CCDC91: variants seen among roughly 807,000 people sequenced by gnomAD.
CCDC91 encodes coiled-coil domain-containing protein 91.
A neutral mutation model predicts 63.2 loss-of-function variants in CCDC91; 48 were observed. That is an observed-to-expected ratio of 0.76 (90% CI 0.60 to 0.97). The LOEUF (loss-of-function observed/expected upper bound fraction) is 0.97. CCDC91 is among the 50% of genes least tolerant of loss of function. The pLI, the probability that CCDC91 is intolerant of heterozygous loss-of-function variation, is 0.00. For synonymous variants in CCDC91, 167 were observed against 165.8 expected, an observed-to-expected ratio of 1.01 and a Z score of -0.06; for missense variants, 500 against 494.6, an observed-to-expected ratio of 1.01 and a Z score of -0.10.
intron 6 of CCDC91, among the ~76,000 whole-genome samples, chr12:28,332,853 GT>G (rs769982988): frequency 2.6e-4 from 39 of 147,494 alleles, no homozygotes; most frequent in South Asian, 6.4e-4. Context: ...TAACACAAGT[GT>G]TTTTTTTTTC....
chr12:28,456,324 G>A (rs568136757), intron 11 of CCDC91, among the ~76,000 whole-genome samples: 46 of 152,204 alleles, frequency 3.0e-4, no homozygotes, highest in African/African-American at 1.1e-3. Context: ...GGGCTAGGAA[G>A]AAAAAGTTTG....
At chr12:28,237,302 C>T (rs1945027077) in intron 1 of CCDC91, among the ~76,000 whole-genome samples, 2 of 148,680 alleles carry the variant, frequency 1.3e-5, no homozygotes, top group African/African-American at 4.9e-5. Context: ...AGAATAATGT[C>T]CTTCAAAGAT....
At chr12:28,528,897 A>G (rs1941506053) in intron 12 of CCDC91, among the ~76,000 whole-genome samples, 1 of 152,196 alleles carries the variant, frequency 6.6e-6, no homozygotes, top group African/African-American at 2.4e-5. Context: ...TTACTGTGGA[A>G]TACTATGCAT....
intron 6 of CCDC91, among the ~76,000 whole-genome samples, chr12:28,351,983 C>T (rs1943213908): frequency 2.0e-5 from 3 of 152,240 alleles, no homozygotes; most frequent in South Asian, 4.1e-4. Flanking sequence ...GGAGATACTG[C>T]AGAGTTTGGT....
intron 8 of CCDC91, among the ~76,000 whole-genome samples, chr12:28,408,704 A>G (rs1947126969): frequency 6.6e-6 from 1 of 151,932 alleles, no homozygotes; most frequent in Non-Finnish European, 1.5e-5. Flanking sequence ...GTGCAGTGGC[A>G]TGATCTTGGC....
chr12:28,498,192 C>A (rs1448918311), intron 12 of CCDC91, among the ~76,000 whole-genome samples: 1 of 151,532 alleles, frequency 6.6e-6, no homozygotes, highest in Admixed American at 6.6e-5. Context: ...TTCATTCACT[C>A]CTTTTATATT....
intron 7 of CCDC91, among the ~76,000 whole-genome samples, chr12:28,374,551 C>A (rs1322003635): frequency 6.6e-6 from 1 of 152,090 alleles, no homozygotes; most frequent in Non-Finnish European, 1.5e-5. Context: ...TCGGATAAAA[C>A]AATATCCTAA....
At chr12:28,258,398 T>C (rs1332857108) in intron 2 of CCDC91, among the ~76,000 whole-genome samples, 1 of 152,026 alleles carries the variant, frequency 6.6e-6, no homozygotes, top group Non-Finnish European at 1.5e-5. Flanking sequence ...ACACTTCATG[T>C]ATTATTTAGG....
chr12:28,468,765 G>A (rs186164992), intron 11 of CCDC91, among the ~76,000 whole-genome samples: 1 of 152,010 alleles, frequency 6.6e-6, no homozygotes, highest in South Asian at 2.1e-4. Context: ...TAACCTTTGG[G>A]ATGCAAGGAC....
Position 28,443,393 on chromosome 12 carries a change from C to T in CCDC91, c.763-6768C>T, listed in dbSNP as rs558644580. On this transcript the variant is annotated intron_variant, in intron 8 of 12. Transcript: ENST00000536442. ...GAACAGCATACTAAAAATTAATACT[C>T]CATTGGCATCTGTAATAAAAGCAAA... 7.8e-4 allele frequency among the ~76,000 whole-genome samples: 119 copies of T among 152,090 alleles called. 1 individual carries two copies. Among genetic ancestry groups the T allele is most frequent in the South Asian group, 6.0e-3 (29 of 4,814 alleles).
At chr12:28,394,138 AG>A (rs1367257611) in intron 8 of CCDC91, among the ~76,000 whole-genome samples, 1 of 152,206 alleles carries the variant, frequency 6.6e-6, no homozygotes, top group African/African-American at 2.4e-5. Context: ...TAGGATTATA[AG>A]CGGTTCAGTA....
At chr12:28,454,642 G>C (rs1949977185) in intron 11 of CCDC91, among the ~76,000 whole-genome samples, 1 of 152,124 alleles carries the variant, frequency 6.6e-6, no homozygotes. Flanking sequence ...GGCATCAGTA[G>C]TATGCCAGGT....
At position 28,506,573 on chromosome 12, in the gene CCDC91, A is replaced by G. The variant is rs570285263; in HGVS notation, c.1215+22408A>G. On this transcript the variant is annotated intron_variant, in intron 12 of 12. Coordinates refer to ENST00000536442, the MANE Select transcript of CCDC91 (RefSeq NM_018318.5). The stretch of plus-strand genomic sequence containing the variant: ...CTAAAAAGCAACAAATGTTTAACAC[A>G]GCCACTATTTATTCATTGTGTATGG... Among the ~76,000 whole-genome samples, 3 of 152,150 alleles carry G rather than the reference A, an allele frequency of 2.0e-5. No individual in the cohort carries two copies. In the South Asian group the frequency reaches 6.2e-4, roughly 31 times the overall value.
chr12:28,477,706 A>G (rs553297998), intron 11 of CCDC91, among the ~76,000 whole-genome samples: 4 of 152,284 alleles, frequency 2.6e-5, no homozygotes, highest in Admixed American at 1.3e-4. Context: ...TTGTATATCT[A>G]AAAAACCGCA....
chr12:28,329,198 A>G (rs889807729), intron 6 of CCDC91, among the ~76,000 whole-genome samples: 1 of 152,178 alleles, frequency 6.6e-6, no homozygotes. Context: ...TTGGATTTCA[A>G]GGGCCAATAA....
At chr12:28,543,117 T>A (rs1310995633) in intron 12 of CCDC91, among the ~76,000 whole-genome samples, 1 of 152,096 alleles carries the variant, frequency 6.6e-6, no homozygotes, top group Non-Finnish European at 1.5e-5. Context: ...CCTTTGTATC[T>A]GTGTCTCTGT....
At chr12:28,408,097 A>G (rs1490325092) in intron 8 of CCDC91, among the ~76,000 whole-genome samples, 4 of 151,918 alleles carry the variant, frequency 2.6e-5, no homozygotes, top group African/African-American at 7.2e-5. Flanking sequence ...TAAGCCTCAC[A>G]TGCATTAGGT....
chr12:28,211,201 T>G (rs1362295053), intron 1 of CCDC91, among the ~76,000 whole-genome samples: 10 of 151,610 alleles, frequency 6.6e-5, no homozygotes, highest in African/African-American at 2.4e-4. Flanking sequence ...TTAACCAGTT[T>G]GAACAGAGAA....
Position 28,305,681 on chromosome 12 carries a change from G to C in CCDC91, c.142G>C (p.Glu48Gln). Residue 48 changes from glutamate to glutamine, a missense_variant, in exon 4 of 13, where the codon GAG becomes CAG. Glu to Gln is a conservative substitution (Grantham distance 29, BLOSUM62 2). Coordinates refer to ENST00000536442, the MANE Select transcript of CCDC91 (RefSeq NM_018318.5). Reference sequence around the variant, plus strand: ...AGTCCATCTTTCACCATCTTCTCCTGAGATTGTACTGGACCGTGACCACTC... The same window carrying C: ...AGTCCATCTTTCACCATCTTCTCCTCAGATTGTACTGGACCGTGACCACTC... ...SGVHLSPSSP[E>Q]IVLDRDHSSS... 1 of 1,612,524 alleles carries C rather than the reference G, an allele frequency of 6.2e-7. No homozygotes were observed. The highest frequency in any genetic ancestry group is 8.5e-7 in the Non-Finnish European group (1 of 1,179,224).
Sources: allele counts gnomAD v4.1 joint callset (sites outside exome capture counted in the v4.1 genomes callset), GRCh38; gene constraint gnomAD v4.1.1; transcripts MANE v1.5; gene names NCBI Gene and HGNC (gene_info 2026-07-23, HGNC 2026-07-21).